UNC5D: variants seen among roughly 807,000 people sequenced by gnomAD.
The protein encoded by UNC5D is unc-5 netrin receptor D, also known as netrin receptor UNC5D.
In UNC5D, 39 loss-of-function variants were observed where a neutral mutation model predicts 105.4. The observed-to-expected ratio is 0.37, with a 90% CI of 0.29 to 0.48. The LOEUF is 0.48. Among genes scored for constraint, UNC5D ranks in the 20% least tolerant of loss-of-function variants. The pLI is 0.98. For synonymous variants in UNC5D, 452 were observed against 450.4 expected (o/e 1.00, Z -0.04); for missense variants, 991 against 1,202.4 (o/e 0.82, Z 2.60).
At chr8:35,442,677 A>C (rs527711872) in intron 1 of UNC5D, among the ~76,000 whole-genome samples, 27 of 152,076 alleles carry the variant, frequency 1.8e-4, no homozygotes, top group Non-Finnish European at 3.4e-4. Flanking sequence ...TTCACCAATG[A>C]AAATCCATAC....
chr8:35,573,091 C>G lies in UNC5D; in HGVS notation c.466+4850C>G, dbSNP rs112939964. On this transcript the variant is annotated intron_variant, in intron 3 of 16. Transcript: ENST00000404895. ...GTGCTGGGATTACAGGCGTGAGCCA[C>G]CGCGCCTAGCGCAATTTTATATTTC... Among the ~76,000 whole-genome samples, 1,453 of 152,314 alleles carry G rather than the reference C, an allele frequency of 9.5e-3. 29 individuals carry two copies. Among genetic ancestry groups the G allele is most frequent in the African/African-American group, 0.032 (1,331 of 41,562 alleles).
At position 35,766,805 on chromosome 8, in the gene UNC5D, G is replaced by GTCATCA. The variant is rs58870994; in HGVS notation, c.2314-81_2314-76dup. On this transcript the variant is annotated intron_variant, in intron 14 of 16. Coordinates refer to ENST00000404895, the MANE Select transcript of UNC5D (RefSeq NM_080872.4). ...GATTGTCCTCATCGTTGTTGTTGTC[G>GTCATCA]TCATCATCATCATCATCATCACTAT... 5.2e-5 allele frequency: 70 copies of GTCATCA among 1,336,204 alleles called. 1 individual carries two copies. Among genetic ancestry groups the GTCATCA allele is most frequent in the Admixed American group, 2.9e-4 (12 of 40,894 alleles). The allele number at this position is 1,336,204 out of a possible 1,614,324, so 82.8% of individuals were successfully genotyped here.
intron 1 of UNC5D, chr8:35,255,593 A>G (rs557068468): frequency 2.0e-5 from 3 of 152,194 alleles, no homozygotes; most frequent in Non-Finnish European, 2.9e-5. Context: ...ACCATATACT[A>G]GATTTGTCTC....
At chr8:35,379,680 G>A (rs1473780197) in intron 1 of UNC5D, among the ~76,000 whole-genome samples, 3 of 151,800 alleles carry the variant, frequency 2.0e-5, no homozygotes, top group Non-Finnish European at 4.4e-5. Flanking sequence ...CTAGAATATC[G>A]ACCTGAGAAC....
At chr8:35,492,832 G>A (rs552130678) in intron 1 of UNC5D, among the ~76,000 whole-genome samples, 1 of 152,268 alleles carries the variant, frequency 6.6e-6, no homozygotes, top group Admixed American at 6.5e-5. Context: ...TCATGGGAAG[G>A]TGAGGGGCAG....
At chr8:35,259,842 G>A (rs1040590194) in intron 1 of UNC5D, among the ~76,000 whole-genome samples, 2 of 151,910 alleles carry the variant, frequency 1.3e-5, no homozygotes, top group Non-Finnish European at 1.5e-5. Context: ...TGGAGGAAGT[G>A]GGGAGGGGTG....
At chr8:35,556,783 A>T (rs1410989569) in intron 2 of UNC5D, among the ~76,000 whole-genome samples, 1 of 152,214 alleles carries the variant, frequency 6.6e-6, no homozygotes, top group East Asian at 1.9e-4. Flanking sequence ...GGGTTTGTTT[A>T]GTAAACATTA....
chr8:35,792,496 C>T lies in UNC5D; in HGVS notation c.*1933C>T, dbSNP rs1193688271. 4 of 153,364 alleles carry T rather than the reference C, an allele frequency of 2.6e-5. No homozygotes were observed. Among genetic ancestry groups the T allele is most frequent in the South Asian group, 4.1e-4 (2 of 4,870 alleles). The allele number at this position is 153,364 out of a possible 1,614,324, so 9.5% of individuals were successfully genotyped here. On this transcript the variant is annotated 3_prime_UTR_variant, in exon 17 of 17. Transcript: ENST00000404895. ...TACCATGTCAAGATCAGGAAAACAC[C>T]CTTTTGCTAGTGTGCTTAACTTATT...
rs565889973 is a variant in UNC5D at position 35,492,976 on chromosome 8, T to C, written c.104-56316T>C. Among the ~76,000 whole-genome samples, 7 of 152,244 alleles carry C rather than the reference T, an allele frequency of 4.6e-5. No homozygotes were observed. In the South Asian group the frequency reaches 1.5e-3, roughly 32 times the overall value. On this transcript the variant is annotated intron_variant, in intron 1 of 16. Transcript: ENST00000404895. ...TGTCTCTTCTCTGTTTAATCTTGGT[T>C]ATCCCATGAAATTCCTAGGGTGGGG...
chr8:35,641,760 T>G (rs1822760298), intron 4 of UNC5D, among the ~76,000 whole-genome samples: 1 of 152,134 alleles, frequency 6.6e-6, no homozygotes, highest in Non-Finnish European at 1.5e-5. Context: ...AATAGGAGTG[T>G]AGGACATCTT....
At chr8:35,656,311 A>T (rs2131205814) in intron 4 of UNC5D, among the ~76,000 whole-genome samples, 1 of 152,304 alleles carries the variant, frequency 6.6e-6, no homozygotes, top group South Asian at 2.1e-4. Context: ...GTTCAATAGG[A>T]CACACTGTAT....
intron 1 of UNC5D, among the ~76,000 whole-genome samples, chr8:35,483,170 G>A (rs763581908): frequency 6.6e-6 from 1 of 152,022 alleles, no homozygotes; most frequent in Non-Finnish European, 1.5e-5. Context: ...GGCATTGGGA[G>A]TTTTGAATCT....
intron 1 of UNC5D, among the ~76,000 whole-genome samples, chr8:35,538,975 A>G (rs1815074411): frequency 1.3e-5 from 2 of 152,174 alleles, no homozygotes; most frequent in Non-Finnish European, 2.9e-5. Flanking sequence ...TTTTGGTGTA[A>G]TATAGATATG....
At chr8:35,573,572 A>G (rs1327770480) in intron 3 of UNC5D, among the ~76,000 whole-genome samples, 2 of 152,196 alleles carry the variant, frequency 1.3e-5, no homozygotes, top group African/African-American at 4.8e-5. Context: ...GTTGGCACTA[A>G]GGTATGTTGA....
At chr8:35,727,428 G>T (rs112855505) in intron 10 of UNC5D, 2 of 152,114 alleles carry the variant, frequency 1.3e-5, no homozygotes, top group African/African-American at 4.8e-5. Context: ...TCTCTCTAGG[G>T]TGGAGCTAAC....
intron 8 of UNC5D, among the ~76,000 whole-genome samples, chr8:35,711,100 G>A (rs1586502363): frequency 3.3e-5 from 5 of 150,998 alleles, no homozygotes; most frequent in Non-Finnish European, 2.9e-5. Context: ...CACCGCGCCC[G>A]GCCAGCATTA....
intron 1 of UNC5D, among the ~76,000 whole-genome samples, chr8:35,431,380 A>G (rs1806623766): frequency 6.6e-6 from 1 of 152,126 alleles, no homozygotes; most frequent in South Asian, 2.1e-4. Flanking sequence ...GTATTATTTA[A>G]TTTATGCTTA....
chr8:35,569,683 G>A (rs1241599489), intron 3 of UNC5D, among the ~76,000 whole-genome samples: 1 of 152,174 alleles, frequency 6.6e-6, no homozygotes, highest in Non-Finnish European at 1.5e-5. Flanking sequence ...TGACTTTAAA[G>A]TAGCAGGCCA....
At chr8:35,632,032 C>CA (rs1423795971) in intron 4 of UNC5D, among the ~76,000 whole-genome samples, 1 of 152,180 alleles carries the variant, frequency 6.6e-6, no homozygotes, top group Non-Finnish European at 1.5e-5. Flanking sequence ...TGTCCACTGT[C>CA]CAACAGGCTC....
Sources: allele counts gnomAD v4.1 joint callset (sites outside exome capture counted in the v4.1 genomes callset), GRCh38; gene constraint gnomAD v4.1.1; transcripts MANE v1.5; gene names NCBI Gene and HGNC (gene_info 2026-07-23, HGNC 2026-07-21).